PLXNA2: variants seen among roughly 807,000 people sequenced by gnomAD.
PLXNA2 encodes the protein plexin A2, also known as plexin-A2.
A neutral mutation model predicts 193.5 loss-of-function variants in PLXNA2; 91 were observed. The observed-to-expected ratio is 0.47, with a 90% CI of 0.40 to 0.56. The LOEUF (loss-of-function observed/expected upper bound fraction) is 0.56. Among genes scored for constraint, PLXNA2 ranks in the 20% least tolerant of loss-of-function variants. PLXNA2 has a pLI of 0.00. For synonymous variants in PLXNA2, 997 were observed against 1,027.3 expected (o/e 0.97, Z 0.56); for missense variants, 1,995 against 2,503.2 (o/e 0.80, Z 4.33).
At chr1:208,142,029 T>C (rs770289228) in intron 4 of PLXNA2, among the ~76,000 whole-genome samples, 1 of 152,234 alleles carries the variant, frequency 6.6e-6, no homozygotes, top group Non-Finnish European at 1.5e-5. Flanking sequence ...CTGAGAGCAG[T>C]AAATCTACCT....
intron 2 of PLXNA2, among the ~76,000 whole-genome samples, chr1:208,211,417 G>A (rs946642380): frequency 6.6e-6 from 1 of 152,178 alleles, no homozygotes; most frequent in African/African-American, 2.4e-5. Flanking sequence ...ATTGTGGCCG[G>A]GCACGGTGGC....
chr1:208,236,095 G>A lies in PLXNA2; in HGVS notation c.-81+7548C>T, dbSNP rs2590680. Among the ~76,000 whole-genome samples the A allele has an allele frequency of 0.83, 125,761 of 152,038 alleles. 52,047 individuals carry two copies. The highest frequency in any genetic ancestry group is 0.86 in the Admixed American group (13,189 of 15,286). On this transcript the variant is annotated intron_variant, in intron 1 of 31. Coordinates refer to ENST00000367033, the MANE Select transcript of PLXNA2 (RefSeq NM_025179.4). The surrounding 1 kb of genome is among the most constrained non-coding windows in gnomAD (Gnocchi z 4.4). ...CTGGAAAACACCACTGCCCTAAAAC[G>A]TGGAGTGGAGACCTGGAACGAGAGC...
At chr1:208,139,596 A>G (rs1000635557) in intron 4 of PLXNA2, among the ~76,000 whole-genome samples, 5 of 152,188 alleles carry the variant, frequency 3.3e-5, no homozygotes, top group Admixed American at 2.0e-4. Context: ...TCCAAATCAT[A>G]CCCATGGACT....
chr1:208,241,469 C>T (rs1558262654), intron 1 of PLXNA2, among the ~76,000 whole-genome samples: 1 of 152,184 alleles, frequency 6.6e-6, no homozygotes, highest in Non-Finnish European at 1.5e-5. Flanking sequence ...GGCTGAAAAG[C>T]TAGCCAGCCC....
intron 3 of PLXNA2, among the ~76,000 whole-genome samples, chr1:208,166,379 G>A (rs1669309050): frequency 6.6e-6 from 1 of 152,182 alleles, no homozygotes. Context: ...CTGGCAGCAG[G>A]GATCCCAAAA....
chr1:208,243,009 C>T (rs930186997), intron 1 of PLXNA2, among the ~76,000 whole-genome samples: 8 of 152,176 alleles, frequency 5.3e-5, no homozygotes, highest in African/African-American at 1.9e-4. Context: ...GGGGCTGGAC[C>T]CCTGCTGGGC....
chr1:208,173,538 G>A (rs559572606), intron 3 of PLXNA2, among the ~76,000 whole-genome samples: 1 of 152,296 alleles, frequency 6.6e-6, no homozygotes, highest in East Asian at 1.9e-4. Context: ...GCTAGCACAC[G>A]GCCAAGCAGG....
chr1:208,089,335 A>G (rs1666635617), intron 9 of PLXNA2, among the ~76,000 whole-genome samples: 1 of 152,234 alleles, frequency 6.6e-6, no homozygotes, highest in South Asian at 2.1e-4. Flanking sequence ...GGCTGTGACC[A>G]TGGAAACAAA....
chr1:208,175,762 T>C (rs1669644056), intron 3 of PLXNA2, among the ~76,000 whole-genome samples: 1 of 152,170 alleles, frequency 6.6e-6, no homozygotes, highest in African/African-American at 2.4e-5. Flanking sequence ...CCTGAGGCCC[T>C]GGTTGGCAGA....
At chr1:208,109,333 G>A (rs1172087344) in intron 4 of PLXNA2, among the ~76,000 whole-genome samples, 4 of 152,032 alleles carry the variant, frequency 2.6e-5, no homozygotes. Flanking sequence ...CACCCCTTCA[G>A]GTTTATAGGG....
intron 12 of PLXNA2, among the ~76,000 whole-genome samples, chr1:208,064,730 A>T (rs896566109): frequency 2.0e-5 from 3 of 152,066 alleles, no homozygotes; most frequent in Non-Finnish European, 4.4e-5. Flanking sequence ...TGCCTTCTGT[A>T]TTTCTTCTTA....
chr1:208,045,256 C>A (rs778662810), intron 18 of PLXNA2, 46 bp from the exon 19 acceptor site: 1 of 1,589,616 alleles, frequency 6.3e-7, no homozygotes, highest in Admixed American at 1.7e-5. Context: ...CACATGCACG[C>A]ACAAGTTAAT....
At chr1:208,145,195 T>C (rs554090238) in intron 3 of PLXNA2, among the ~76,000 whole-genome samples, 2 of 152,318 alleles carry the variant, frequency 1.3e-5, no homozygotes, top group East Asian at 3.9e-4. Flanking sequence ...AAAATGGGGA[T>C]TTCAGGCCCT....
rs757717861 is a variant in PLXNA2 at position 208,050,044 on chromosome 1, CA to C, written c.3255+964del. On this transcript the variant is annotated intron_variant, in intron 17 of 31. Transcript: ENST00000367033. ...GCCTAGAAAAATGATAAAAAATTGA[CA>C]ACATATCAGACATTCTATCCCTACG... Among the ~76,000 whole-genome samples the C allele has an allele frequency of 1.2e-3, 180 of 152,276 alleles. 1 individual carries two copies. Among genetic ancestry groups the C allele is most frequent in the Admixed American group, 1.6e-3 (24 of 15,300 alleles).
At chr1:208,047,452 C>T (rs1186377860) in intron 17 of PLXNA2, among the ~76,000 whole-genome samples, 2 of 132,472 alleles carry the variant, frequency 1.5e-5, no homozygotes, top group Admixed American at 8.2e-5. Flanking sequence ...CCATTCTCTC[C>T]TGTGGAGGTT....
chr1:208,125,011 A>G (rs1269989872), intron 4 of PLXNA2, among the ~76,000 whole-genome samples: 1 of 152,210 alleles, frequency 6.6e-6, no homozygotes, highest in Non-Finnish European at 1.5e-5. Context: ...AGTGACTAGT[A>G]TCTCCGGTTT....
chr1:208,035,987 A>G (rs1327084303), intron 26 of PLXNA2, among the ~76,000 whole-genome samples: 1 of 152,216 alleles, frequency 6.6e-6, no homozygotes, highest in East Asian at 1.9e-4. Flanking sequence ...CAAGGGCTCC[A>G]AGGACCTTTG....
chr1:208,086,948 A>ACTCTCTCTCTCTCTCTCTCTCTCTCT, intron 9 of PLXNA2, among the ~76,000 whole-genome samples: 1 of 134,690 alleles, frequency 7.4e-6, no homozygotes, highest in East Asian at 2.4e-4. Context: ...TCTCTCTCGC[A>ACTCTCTCTCTCTCTCTCTCTCTCTCT]CTCTCTCTCT....
At chr1:208,070,326 C>G in intron 12 of PLXNA2, among the ~76,000 whole-genome samples, 1 of 152,250 alleles carries the variant, frequency 6.6e-6, no homozygotes, top group Non-Finnish European at 1.5e-5. Context: ...CTCCTGCTCT[C>G]TCTGGCTCCC....
Sources: gnomAD v4.1 joint callset for allele counts (sites outside exome capture counted in the v4.1 genomes callset) on GRCh38, gnomAD v4.1.1 for gene constraint, Gnocchi (gnomAD v3.1) non-coding constraint, MANE v1.5 for transcripts, NCBI Gene and HGNC (gene_info 2026-07-23, HGNC 2026-07-21) for gene names.